FSTL4: variants seen among roughly 807,000 people sequenced by gnomAD.
FSTL4 encodes the protein follistatin like 4, also known as follistatin-related protein 4.
A neutral mutation model predicts 78.2 loss-of-function variants in FSTL4; 28 were observed. The ratio of observed to expected loss-of-function variants is 0.36; its 90% CI spans 0.27 to 0.49. FSTL4 has a LOEUF of 0.49. Ranked by LOEUF, FSTL4 falls within the 20% of genes least tolerant of loss-of-function variation. The pLI is 0.98. For missense variants in FSTL4, 922 were observed against 1,084.9 expected, an observed-to-expected ratio of 0.85 and a Z score of 2.11; for synonymous variants, 422 against 440.5, an observed-to-expected ratio of 0.96 and a Z score of 0.53.
intron 8 of FSTL4, among the ~76,000 whole-genome samples, chr5:133,228,594 GCTAA>G (rs1034949354): frequency 6.6e-5 from 10 of 152,170 alleles, no homozygotes; most frequent in Admixed American, 2.6e-4. Flanking sequence ...TGTTTCAATG[GCTAA>G]CTATTAGGAA....
chr5:133,521,174 A>G (rs1758973652), intron 3 of FSTL4, among the ~76,000 whole-genome samples: 1 of 152,090 alleles, frequency 6.6e-6, no homozygotes, highest in South Asian at 2.1e-4. Flanking sequence ...GGGGGAAAAC[A>G]TGTCTCCACT....
chr5:133,659,030 A>C, the FSTL4 span, among the ~76,000 whole-genome samples: 1 of 152,108 alleles, frequency 6.6e-6, no homozygotes, highest in Non-Finnish European at 1.5e-5. Flanking sequence ...AGCAAAGCTT[A>C]TTTTGGGCTT....
At chr5:133,335,845 AATT>A (rs1415028592) in intron 4 of FSTL4, among the ~76,000 whole-genome samples, 1 of 152,026 alleles carries the variant, frequency 6.6e-6, no homozygotes, top group Non-Finnish European at 1.5e-5. Flanking sequence ...TTGCCTTCTG[AATT>A]ATTATACCCA....
chr5:133,673,037 G>A, the FSTL4 span, among the ~76,000 whole-genome samples: 2 of 152,312 alleles, frequency 1.3e-5, no homozygotes, highest in African/African-American at 4.8e-5. Context: ...GGCTGGAGGT[G>A]GGGAGGGAGC....
At chr5:133,382,379 A>G (rs1193516451) in intron 4 of FSTL4, among the ~76,000 whole-genome samples, 1 of 151,028 alleles carries the variant, frequency 6.6e-6, no homozygotes, top group African/African-American at 2.4e-5. Context: ...CTCCTCTGAA[A>G]CCTCCATTTC....
At chr5:133,308,774 G>T (rs961335952) in intron 6 of FSTL4, among the ~76,000 whole-genome samples, 4 of 152,104 alleles carry the variant, frequency 2.6e-5, no homozygotes, top group African/African-American at 9.7e-5. Context: ...TGCTTGCCTG[G>T]AGCTTACACA....
intron 3 of FSTL4, among the ~76,000 whole-genome samples, chr5:133,405,499 C>T (rs1179319344): frequency 2.0e-5 from 3 of 152,322 alleles, no homozygotes; most frequent in African/African-American, 7.2e-5. Context: ...TACTGACACA[C>T]CAACACACAG....
intron 3 of FSTL4, among the ~76,000 whole-genome samples, chr5:133,565,307 G>C (rs111761970): frequency 2.2e-3 from 335 of 152,268 alleles, no homozygotes; most frequent in Non-Finnish European, 3.0e-3. Context: ...TTCTGGAGAA[G>C]ATTAACAACC....
the FSTL4 span, among the ~76,000 whole-genome samples, chr5:133,727,607 G>A: frequency 6.6e-6 from 1 of 152,194 alleles, no homozygotes; most frequent in Non-Finnish European, 1.5e-5. Flanking sequence ...GCCTCTTCAG[G>A]GTCAAAGGAG....
chr5:133,698,712 G>C, the FSTL4 span, among the ~76,000 whole-genome samples: 2 of 152,244 alleles, frequency 1.3e-5, no homozygotes, highest in Non-Finnish European at 2.9e-5. Flanking sequence ...GGTAAGTGAG[G>C]AGATCTCAGG....
intron 6 of FSTL4, among the ~76,000 whole-genome samples, chr5:133,283,304 G>A (rs908669515): frequency 2.0e-5 from 3 of 152,036 alleles, no homozygotes; most frequent in South Asian, 2.1e-4. Flanking sequence ...AGGCTCTAAC[G>A]GGGCCATGCC....
the FSTL4 span, among the ~76,000 whole-genome samples, chr5:133,838,562 C>T: frequency 6.6e-6 from 1 of 152,184 alleles, no homozygotes; most frequent in Admixed American, 6.5e-5. Flanking sequence ...ATGTCTGGTA[C>T]CCAGTCTGGA....
At chr5:133,825,217 C>A in the FSTL4 span, among the ~76,000 whole-genome samples, 1 of 152,196 alleles carries the variant, frequency 6.6e-6, no homozygotes, top group Non-Finnish European at 1.5e-5. Context: ...ACACACCCCC[C>A]AGAAACCACA....
the FSTL4 span, among the ~76,000 whole-genome samples, chr5:133,659,765 T>C: frequency 6.6e-6 from 1 of 152,098 alleles, no homozygotes; most frequent in Non-Finnish European, 1.5e-5. Context: ...TTTATTTTTA[T>C]TCTTCTAGGA....
intron 2 of FSTL4, among the ~76,000 whole-genome samples, chr5:133,590,200 G>A (rs1169649122): frequency 6.6e-6 from 1 of 152,008 alleles, no homozygotes; most frequent in Non-Finnish European, 1.5e-5. Flanking sequence ...ATTCTTATAA[G>A]AGAAGGATAA....
the FSTL4 span, among the ~76,000 whole-genome samples, chr5:133,833,564 C>A: frequency 1.3e-5 from 2 of 152,210 alleles, no homozygotes; most frequent in African/African-American, 4.8e-5. Flanking sequence ...TGGGCTTTCT[C>A]CTCATCTGTC....
chr5:133,749,748 C>T, the FSTL4 span, among the ~76,000 whole-genome samples: 1 of 152,204 alleles, frequency 6.6e-6, no homozygotes. Flanking sequence ...AAGCTCTTCC[C>T]TCCCACGATC....
intron 3 of FSTL4, among the ~76,000 whole-genome samples, chr5:133,478,114 C>T (rs1757958273): frequency 6.6e-6 from 1 of 152,182 alleles, no homozygotes; most frequent in Non-Finnish European, 1.5e-5. Flanking sequence ...CCCCATTGAA[C>T]CAAGAACCAC....
the FSTL4 span, among the ~76,000 whole-genome samples, chr5:133,705,631 T>A: frequency 7.2e-5 from 11 of 152,206 alleles, no homozygotes; most frequent in African/African-American, 2.6e-4. Flanking sequence ...TCCTAGGGGA[T>A]TCATCAGGGA....
Sources: allele counts gnomAD v4.1 joint callset (sites outside exome capture counted in the v4.1 genomes callset), GRCh38; gene constraint gnomAD v4.1.1; transcripts MANE v1.5; gene names NCBI Gene and HGNC (gene_info 2026-07-23, HGNC 2026-07-21).